Variants in ADAMTS12 observed in about 807,000 individuals in gnomAD.
The protein encoded by ADAMTS12 is ADAM metallopeptidase with thrombospondin type 1 motif 12.
ADAMTS12 carries 118 observed loss-of-function variants against 167.8 expected under a neutral mutation model. The observed-to-expected ratio is 0.70, with a 90% CI of 0.61 to 0.82. ADAMTS12 has a LOEUF of 0.82. Among genes scored for constraint, ADAMTS12 ranks in the 40% least tolerant of loss-of-function variants. ADAMTS12 has a pLI of 0.00. For synonymous variants in ADAMTS12, 704 were observed against 716.9 expected (o/e 0.98, Z 0.29); for missense variants, 1,916 against 1,998.8 (o/e 0.96, Z 0.79).
At chr5:33,871,075 A>G (rs904478583) in intron 2 of ADAMTS12, among the ~76,000 whole-genome samples, 4 of 152,236 alleles carry the variant, frequency 2.6e-5, no homozygotes, top group African/African-American at 9.6e-5. Flanking sequence ...ACAAATCAAT[A>G]CATAAATTTA....
At position 33,637,698 on chromosome 5, in the gene ADAMTS12, G is replaced by C. The variant is rs929095218; in HGVS notation, c.1767C>G (p.Arg589=). 1 of 1,613,696 alleles carries C rather than the reference G, an allele frequency of 6.2e-7. No individual in the cohort carries two copies. Among genetic ancestry groups the C allele is most frequent in the Non-Finnish European group, 8.5e-7 (1 of 1,179,704 alleles). The change falls in exon 12 of 24, where the codon CGC becomes CGG. Residue 589 remains arginine (R), a synonymous_variant. Coordinates refer to ENST00000504830, the MANE Select transcript of ADAMTS12 (RefSeq NM_030955.4). The stretch of plus-strand genomic sequence containing the variant: ...AGCGACAGGGGTGGACGTTGCACAA[G>C]CGATAGCGTTTTCTTTCTCCAGTGC... ...KYCTGERKRY[R]LCNVHPCRSE...
intron 17 of ADAMTS12, among the ~76,000 whole-genome samples, chr5:33,591,436 A>C (rs1414836709): frequency 6.6e-6 from 1 of 152,218 alleles, no homozygotes; most frequent in Non-Finnish European, 1.5e-5. Flanking sequence ...TAAGAAATCA[A>C]ATTTTATAAT....
intron 1 of ADAMTS12, among the ~76,000 whole-genome samples, chr5:33,890,371 AC>A (rs1410940151): frequency 6.6e-6 from 1 of 152,220 alleles, no homozygotes; most frequent in Non-Finnish European, 1.5e-5. Flanking sequence ...GACCGTTTAC[AC>A]AAGTGAGTGC....
chr5:33,614,838 T>C (rs1157795038), intron 15 of ADAMTS12, among the ~76,000 whole-genome samples: 1 of 152,224 alleles, frequency 6.6e-6, no homozygotes, highest in Non-Finnish European at 1.5e-5. Context: ...GTAGGATTGT[T>C]GTGAGGGTTA....
intron 16 of ADAMTS12, among the ~76,000 whole-genome samples, chr5:33,609,484 C>T (rs1265474121): frequency 6.6e-6 from 1 of 151,554 alleles, no homozygotes; most frequent in East Asian, 1.9e-4. Flanking sequence ...AATCCTCATG[C>T]CTCAGCCCCC....
At chr5:33,671,905 TACTC>T (rs1252037837) in intron 5 of ADAMTS12, among the ~76,000 whole-genome samples, 7 of 119,828 alleles carry the variant, frequency 5.8e-5, no homozygotes, top group Admixed American at 1.7e-4. Flanking sequence ...CACATCCACA[TACTC>T]ACATACACAC....
chr5:33,555,397 G>A (rs906001185), intron 20 of ADAMTS12, among the ~76,000 whole-genome samples: 2 of 152,054 alleles, frequency 1.3e-5, no homozygotes, highest in East Asian at 1.9e-4. Context: ...GGCATGTGCT[G>A]TACCAAGCCG....
At chr5:33,766,338 A>G (rs765542662) in intron 2 of ADAMTS12, among the ~76,000 whole-genome samples, 7 of 152,154 alleles carry the variant, frequency 4.6e-5, no homozygotes, top group Non-Finnish European at 7.4e-5. Flanking sequence ...TCTAACCATG[A>G]GAAAAACATT....
intron 3 of ADAMTS12, 40 bp from the exon 4 acceptor site, chr5:33,684,095 T>C (rs746601817): frequency 2.2e-6 from 3 of 1,351,194 alleles, no homozygotes; most frequent in Non-Finnish European, 2.9e-6. Context: ...ACACTGTATA[T>C]GTCTCATATA....
intron 3 of ADAMTS12, among the ~76,000 whole-genome samples, chr5:33,696,748 C>T (rs1253619645): frequency 6.6e-6 from 1 of 152,144 alleles, no homozygotes; most frequent in East Asian, 1.9e-4. Flanking sequence ...TTAATTTTTT[C>T]AATAGAGATA....
intron 14 of ADAMTS12, among the ~76,000 whole-genome samples, chr5:33,616,275 A>ACT (rs1198856977): frequency 6.6e-6 from 1 of 152,122 alleles, no homozygotes; most frequent in East Asian, 1.9e-4. Flanking sequence ...GAGTTTTGTG[A>ACT]CTCAATATGT....
At chr5:33,564,873 A>T (rs1745934540) in intron 19 of ADAMTS12, among the ~76,000 whole-genome samples, 1 of 152,240 alleles carries the variant, frequency 6.6e-6, no homozygotes, top group Non-Finnish European at 1.5e-5. Flanking sequence ...GTCTTAGACT[A>T]ACAGAGGACA....
intron 17 of ADAMTS12, among the ~76,000 whole-genome samples, chr5:33,591,935 A>G (rs1372466593): frequency 6.6e-6 from 1 of 152,126 alleles, no homozygotes; most frequent in Non-Finnish European, 1.5e-5. Context: ...TATCCAGCCC[A>G]GTAAGCCAGG....
chr5:33,881,178 T>C lies in ADAMTS12; in HGVS notation c.430A>G (p.Thr144Ala). The C allele has an allele frequency of 4.3e-6, 7 of 1,614,140 alleles. No individual in the cohort carries two copies. Among genetic ancestry groups the C allele is most frequent in the Non-Finnish European group, 5.9e-6 (7 of 1,180,024 alleles). ...SSAPLCHLSG[T>A]VLQQGTRVGT... ...ACTCTGGTGCCCTGCTGTAGAACCG[T>C]GCCACTGAGATGGCAGAGGGGGGCA... Residue 144 changes from threonine (T) to alanine (A), a missense_variant, in exon 2 of 24, where the codon ACG becomes GCG. Transcript: ENST00000504830.
intron 14 of ADAMTS12, among the ~76,000 whole-genome samples, chr5:33,617,876 G>A (rs1739107641): frequency 6.6e-6 from 1 of 152,042 alleles, no homozygotes; most frequent in South Asian, 2.1e-4. Context: ...TATTTATTAT[G>A]GGTAGATTGA....
intron 2 of ADAMTS12, among the ~76,000 whole-genome samples, chr5:33,791,141 T>C (rs541212596): frequency 8.5e-5 from 13 of 152,156 alleles, no homozygotes; most frequent in Non-Finnish European, 1.6e-4. Context: ...GCTACTCACA[T>C]GCACAGCAGC....
At chr5:33,743,296 C>T (rs1475028185) in intron 3 of ADAMTS12, among the ~76,000 whole-genome samples, 1 of 152,196 alleles carries the variant, frequency 6.6e-6, no homozygotes, top group Non-Finnish European at 1.5e-5. Flanking sequence ...GAAGGCAGCA[C>T]TATTCGAAAT....
intron 23 of ADAMTS12, among the ~76,000 whole-genome samples, chr5:33,532,903 T>C (rs1744186944): frequency 6.6e-6 from 1 of 152,220 alleles, no homozygotes. Context: ...TAGAGAATTA[T>C]AGTGGTCAGG....
At chr5:33,695,069 G>A (rs1742704606) in intron 3 of ADAMTS12, among the ~76,000 whole-genome samples, 1 of 152,182 alleles carries the variant, frequency 6.6e-6, no homozygotes, top group Non-Finnish European at 1.5e-5. Context: ...GAAGAAAGGA[G>A]TCAAGCACCA....
Sources: allele counts gnomAD v4.1 joint callset (sites outside exome capture counted in the v4.1 genomes callset), GRCh38; gene constraint gnomAD v4.1.1; transcripts MANE v1.5; gene names NCBI Gene and HGNC (gene_info 2026-07-23, HGNC 2026-07-21).